The following RORA variants were observed in gnomAD, a reference collection of about 807,000 sequenced individuals.
The protein encoded by RORA is nuclear receptor ROR-alpha.
Under a neutral mutation model 69.5 loss-of-function variants are expected in RORA, and 7 were observed. The observed-to-expected ratio is 0.10, with a 90% CI of 0.06 to 0.19. The LOEUF (loss-of-function observed/expected upper bound fraction) is 0.19. Among genes scored for constraint, RORA ranks in the 10% least tolerant of loss-of-function variants. The pLI is 1.00. For missense variants in RORA, 457 were observed against 663.0 expected (o/e 0.69, Z 3.41); for synonymous variants, 261 against 240.8 (o/e 1.08, Z -0.78).
At chr15:61,188,070 T>G (rs974890903) in intron 1 of RORA, among the ~76,000 whole-genome samples, 7 of 152,262 alleles carry the variant, frequency 4.6e-5, no homozygotes, top group African/African-American at 1.4e-4. Flanking sequence ...GCTTTTCTTT[T>G]AGCAGCTGGC....
chr15:60,551,092 CA>C (rs1300084203), intron 2 of RORA, among the ~76,000 whole-genome samples: 1 of 151,810 alleles, frequency 6.6e-6, no homozygotes, highest in African/African-American at 2.4e-5. Flanking sequence ...AGAGTGAAAT[CA>C]ATTAAGAAAT....
At chr15:60,933,732 G>A (rs1375718331) in intron 1 of RORA, among the ~76,000 whole-genome samples, 1 of 152,196 alleles carries the variant, frequency 6.6e-6, no homozygotes, top group Non-Finnish European at 1.5e-5. Flanking sequence ...CTAGATGGAT[G>A]TTCTAAAATT....
intron 2 of RORA, among the ~76,000 whole-genome samples, chr15:60,604,039 A>G (rs1039143799): frequency 2.0e-5 from 3 of 150,716 alleles, no homozygotes; most frequent in Non-Finnish European, 4.4e-5. Context: ...AGGCTGAGGC[A>G]GGAGAATCGC....
chr15:60,897,813 C>T (rs1891269969), intron 1 of RORA, among the ~76,000 whole-genome samples: 1 of 152,238 alleles, frequency 6.6e-6, no homozygotes, highest in Admixed American at 6.5e-5. Context: ...CAGCCATGAT[C>T]AGTCTATTTT....
chr15:61,031,154 C>T (rs957704337), intron 1 of RORA, among the ~76,000 whole-genome samples: 2 of 152,080 alleles, frequency 1.3e-5, no homozygotes, highest in Non-Finnish European at 2.9e-5. Context: ...ATAAAAATAT[C>T]AAATCCAAAA....
At chr15:60,682,608 G>A (rs1360623585) in intron 1 of RORA, among the ~76,000 whole-genome samples, 1 of 152,160 alleles carries the variant, frequency 6.6e-6, no homozygotes, top group African/African-American at 2.4e-5. Flanking sequence ...GTGACACCCA[G>A]TCTTAAATTT....
At chr15:60,757,518 C>T (rs1218354782) in intron 1 of RORA, among the ~76,000 whole-genome samples, 1 of 152,196 alleles carries the variant, frequency 6.6e-6, no homozygotes, top group Non-Finnish European at 1.5e-5. Flanking sequence ...TTCTTTGTAT[C>T]ACTGGCTAAG....
intron 1 of RORA, among the ~76,000 whole-genome samples, chr15:61,085,267 T>C (rs575530064): frequency 2.6e-4 from 39 of 152,322 alleles, no homozygotes; most frequent in African/African-American, 9.4e-4. Context: ...CCCCACAGCA[T>C]ACCTGGCTGG....
intron 1 of RORA, among the ~76,000 whole-genome samples, chr15:60,889,517 A>G (rs553235511): frequency 6.6e-6 from 1 of 152,348 alleles, no homozygotes; most frequent in South Asian, 2.1e-4. Flanking sequence ...AGAGAACAAA[A>G]TGCACAGTTG....
intron 1 of RORA, among the ~76,000 whole-genome samples, chr15:60,929,710 C>T (rs552380829): frequency 3.9e-4 from 59 of 152,266 alleles, no homozygotes; most frequent in African/African-American, 1.4e-3. Flanking sequence ...GAGGTTTTCC[C>T]GCTTCGCTCT....
intron 1 of RORA, among the ~76,000 whole-genome samples, chr15:60,845,525 T>C (rs917359408): frequency 3.3e-5 from 5 of 152,178 alleles, no homozygotes; most frequent in South Asian, 2.1e-4. Flanking sequence ...GGGGTGCCGA[T>C]TGGAAGCTTT....
intron 1 of RORA, among the ~76,000 whole-genome samples, chr15:60,901,391 C>T (rs1413265533): frequency 2.6e-5 from 4 of 152,148 alleles, no homozygotes; most frequent in East Asian, 1.9e-4. Context: ...AGGCCAGTCT[C>T]GAACTCCTGA....
intron 1 of RORA, among the ~76,000 whole-genome samples, chr15:60,680,425 G>A (rs899887732): frequency 6.6e-6 from 1 of 151,844 alleles, no homozygotes; most frequent in Non-Finnish European, 1.5e-5. Flanking sequence ...ATTATACAGC[G>A]TGATGCAGTG....
chr15:60,989,008 C>G (rs936422896), intron 1 of RORA, among the ~76,000 whole-genome samples: 1 of 152,190 alleles, frequency 6.6e-6, no homozygotes, highest in African/African-American at 2.4e-5. Flanking sequence ...TATACATCAT[C>G]CTGATTTAAA....
intron 5 of RORA, among the ~76,000 whole-genome samples, chr15:60,506,035 C>G (rs1319554997): frequency 2.0e-5 from 3 of 152,308 alleles, no homozygotes; most frequent in South Asian, 2.1e-4. Flanking sequence ...TCTTGAAAAA[C>G]TAGAAAATGA....
chr15:60,677,756 T>C lies in RORA; in HGVS notation c.196+901A>G, dbSNP rs183851605. Among the ~76,000 whole-genome samples the C allele has an allele frequency of 4.8e-3, 723 of 152,140 alleles. 7 individuals carry two copies. Among genetic ancestry groups the C allele is most frequent in the African/African-American group, 0.016 (684 of 41,512 alleles). ...AAATTTAAAGTGTAATTAGGAAAAA[T>C]TGGGGGATACATCCTTGTTGTCCCT... On this transcript the variant is annotated intron_variant, in intron 2 of 10. Transcript: ENST00000335670.
chr15:60,702,975 G>C (rs147654270), intron 1 of RORA, among the ~76,000 whole-genome samples: 2 of 152,248 alleles, frequency 1.3e-5, no homozygotes, highest in Non-Finnish European at 2.9e-5. Context: ...CTCACAATGA[G>C]ATGTTCCGAG....
chr15:60,671,067 G>GATAGATATATATATATATATATAT (rs2070457719), intron 2 of RORA, among the ~76,000 whole-genome samples: 1 of 122,310 alleles, frequency 8.2e-6, no homozygotes, highest in African/African-American at 4.1e-5. Context: ...ATATCCCATT[G>GATAGATATATATATATATATATAT]ATATATATAT....
chr15:60,734,320 C>T (rs777055526), intron 1 of RORA, among the ~76,000 whole-genome samples: 6 of 152,122 alleles, frequency 3.9e-5, no homozygotes, highest in African/African-American at 4.8e-5. Flanking sequence ...TTCTGATGCA[C>T]GATGAAGTTT....
Sources: allele counts gnomAD v4.1 joint callset (sites outside exome capture counted in the v4.1 genomes callset), GRCh38; gene constraint gnomAD v4.1.1; transcripts MANE v1.5; gene names NCBI Gene and HGNC (gene_info 2026-07-23, HGNC 2026-07-21).